Variants in PFKFB3 observed in about 807,000 individuals in gnomAD.
The protein encoded by PFKFB3 is 6-phosphofructo-2-kinase/fructose-2,6-biphosphatase 3.
Under a neutral mutation model 68.0 loss-of-function variants are expected in PFKFB3, and 33 were observed. The ratio of observed to expected loss-of-function variants is 0.49; its 90% CI spans 0.37 to 0.65. The LOEUF (loss-of-function observed/expected upper bound fraction) is 0.65. PFKFB3 is among the 30% of genes least tolerant of loss of function. The pLI is 0.00. For synonymous variants in PFKFB3, 315 were observed against 288.2 expected (o/e 1.09, Z -0.94); for missense variants, 586 against 712.2 (o/e 0.82, Z 2.02).
chr10:6,145,661 C>A (rs1841363683), intron 1 of PFKFB3, among the ~76,000 whole-genome samples: 1 of 152,200 alleles, frequency 6.6e-6, no homozygotes, highest in African/African-American at 2.4e-5. Flanking sequence ...CATTTCAGCC[C>A]CCAGCCCCAG....
the PFKFB3 span, among the ~76,000 whole-genome samples, chr10:6,268,057 G>A: frequency 1.3e-5 from 2 of 151,822 alleles, no homozygotes; most frequent in African/African-American, 2.4e-5. Flanking sequence ...CCTGTGCGAC[G>A]GAGCAGTTCT....
chr10:6,176,033 C>T (rs1182004467), intron 1 of PFKFB3, among the ~76,000 whole-genome samples: 1 of 152,242 alleles, frequency 6.6e-6, no homozygotes. Context: ...CTGCGGCACC[C>T]CAACGGGTGA....
intron 13 of PFKFB3, 21 bp from the exon 14 acceptor site, chr10:6,226,171 T>G (rs367668107): frequency 6.5e-7 from 1 of 1,544,666 alleles, no homozygotes; most frequent in African/African-American, 1.4e-5. Flanking sequence ...CCTTTCTCTC[T>G]TTTGTCTTTG....
chr10:6,320,792 G>A, the PFKFB3 span, among the ~76,000 whole-genome samples: 2 of 152,118 alleles, frequency 1.3e-5, no homozygotes, highest in African/African-American at 4.8e-5. Context: ...CCTAAAACTG[G>A]CTCTCATCAC....
At chr10:6,315,550 C>T in the PFKFB3 span, among the ~76,000 whole-genome samples, 4 of 152,246 alleles carry the variant, frequency 2.6e-5, no homozygotes, top group South Asian at 2.1e-4. Context: ...ATGGTGCGAT[C>T]TAGGCTCACT....
chr10:6,206,317 A>G (rs1289141537), intron 1 of PFKFB3, among the ~76,000 whole-genome samples: 10 of 142,132 alleles, frequency 7.0e-5, no homozygotes, highest in East Asian at 2.0e-4. Context: ...TTTTCTTAGT[A>G]CAGAACAAAA....
chr10:6,241,781 ATAT>A, intron 14 of PFKFB3, among the ~76,000 whole-genome samples: 1 of 148,360 alleles, frequency 6.7e-6, no homozygotes, highest in East Asian at 2.0e-4. Flanking sequence ...CTTGCAGCAG[ATAT>A]TATTTGTATT....
intron 1 of PFKFB3, among the ~76,000 whole-genome samples, chr10:6,191,525 A>C (rs988614519): frequency 6.6e-6 from 1 of 152,246 alleles, no homozygotes; most frequent in African/African-American, 2.4e-5. Flanking sequence ...AGGACAGTGC[A>C]TTGTGCAAAG....
intron 1 of PFKFB3, among the ~76,000 whole-genome samples, chr10:6,185,508 C>T (rs1427077172): frequency 6.6e-6 from 1 of 152,218 alleles, no homozygotes; most frequent in Admixed American, 6.5e-5. Flanking sequence ...CTCCCATCGG[C>T]TCACCTCTGG....
chr10:6,285,028 A>AT, the PFKFB3 span, among the ~76,000 whole-genome samples: 3 of 152,304 alleles, frequency 2.0e-5, no homozygotes, highest in South Asian at 6.2e-4. Context: ...GCTATTGTGA[A>AT]TAATGCTGCT....
intron 6 of PFKFB3, among the ~76,000 whole-genome samples, chr10:6,218,594 A>G (rs187589868): frequency 3.3e-5 from 5 of 151,946 alleles, no homozygotes; most frequent in African/African-American, 9.7e-5. Context: ...ACGCCCAGCT[A>G]ATTTTTTTTG....
intron 1 of PFKFB3, among the ~76,000 whole-genome samples, chr10:6,177,732 T>C (rs1842571104): frequency 6.6e-6 from 1 of 151,960 alleles, no homozygotes; most frequent in Non-Finnish European, 1.5e-5. Context: ...TTCACCATGT[T>C]AGGCTGGTCT....
Position 6,229,080 on chromosome 10 carries a change from C to T in PFKFB3, c.1515+2715C>T, listed in dbSNP as rs542290863. ...CCCGCCCCTTTATTTCCTGTTTGCTCCTTAAGTTACCTTAACTACTTTATG... is the reference window on the plus strand; with the variant it reads ...CCCGCCCCTTTATTTCCTGTTTGCTTCTTAAGTTACCTTAACTACTTTATG... On this transcript the variant is annotated intron_variant, in intron 14 of 14. Coordinates refer to ENST00000379775, the MANE Select transcript of PFKFB3 (RefSeq NM_004566.4). This position sits in a 1 kb window ranked among gnomAD's most constrained non-coding sequence, Gnocchi z 4.3. 165 of 527,790 alleles carry T rather than the reference C, an allele frequency of 3.1e-4. 3 individuals are homozygous for T. The highest frequency in any genetic ancestry group is 2.3e-3 in the South Asian group (162 of 70,368). The allele number at this position is 527,790 out of a possible 1,614,324, so 32.7% of individuals were successfully genotyped here.
intron 1 of PFKFB3, among the ~76,000 whole-genome samples, chr10:6,176,068 A>G (rs543249670): frequency 1.2e-4 from 19 of 152,376 alleles, no homozygotes; most frequent in South Asian, 8.3e-4. Flanking sequence ...AAAGAATGCA[A>G]CGTTCCATCA....
intron 14 of PFKFB3, chr10:6,231,629 G>C: frequency 1.0e-6 from 1 of 970,776 alleles, no homozygotes; most frequent in Non-Finnish European, 1.2e-6. Flanking sequence ...CAGCAGATGC[G>C]GAGGGAAATG....
At chr10:6,318,130 G>C in the PFKFB3 span, among the ~76,000 whole-genome samples, 1 of 152,214 alleles carries the variant, frequency 6.6e-6, no homozygotes, top group African/African-American at 2.4e-5. Flanking sequence ...GCAGGGCTGT[G>C]TCTTTTGGAT....
At chr10:6,173,372 T>C (rs568356276) in intron 1 of PFKFB3, among the ~76,000 whole-genome samples, 1 of 152,300 alleles carries the variant, frequency 6.6e-6, no homozygotes, top group South Asian at 2.1e-4. Flanking sequence ...GAAGAGGTTG[T>C]CCACTTGTGT....
chr10:6,233,017 C>T lies in PFKFB3; in HGVS notation c.*75C>T, dbSNP rs1322214301. On this transcript the variant is annotated 3_prime_UTR_variant, in exon 15 of 15. Transcript: ENST00000379775. ...GTCCTGCCCTCCGCCCGAGGCAAAACGTATCCTGAGGACTTCTTCCGGAGA... is the reference window on the plus strand; with the variant it reads ...GTCCTGCCCTCCGCCCGAGGCAAAATGTATCCTGAGGACTTCTTCCGGAGA... 1.3e-5 allele frequency: 15 copies of T among 1,197,404 alleles called. No homozygotes were observed. Among genetic ancestry groups the T allele is most frequent in the Admixed American group, 1.0e-4 (6 of 59,200 alleles). The allele number at this position is 1,197,404 out of a possible 1,614,324, so 74.2% of individuals were successfully genotyped here.
At chr10:6,302,128 C>T in the PFKFB3 span, among the ~76,000 whole-genome samples, 4 of 150,482 alleles carry the variant, frequency 2.7e-5, no homozygotes, top group African/African-American at 7.3e-5. Flanking sequence ...GATTTTGGCT[C>T]ACTGCAACTT....
Sources: allele counts gnomAD v4.1 joint callset (sites outside exome capture counted in the v4.1 genomes callset), GRCh38; gene constraint gnomAD v4.1.1; non-coding constraint Gnocchi (gnomAD v3.1); transcripts MANE v1.5; gene names NCBI Gene and HGNC (gene_info 2026-07-23, HGNC 2026-07-21).